Variants in PRMT8 observed in about 807,000 individuals in gnomAD.
PRMT8 encodes the protein protein arginine N-methyltransferase 8.
A neutral mutation model predicts 47.1 loss-of-function variants in PRMT8; 7 were observed. The ratio of observed to expected loss-of-function variants is 0.15; its 90% CI spans 0.08 to 0.28. The LOEUF (loss-of-function observed/expected upper bound fraction) is 0.28. PRMT8 is among the 10% of genes least tolerant of loss of function. The pLI is 1.00. For synonymous variants in PRMT8, 188 were observed against 186.5 expected, an observed-to-expected ratio of 1.01 and a Z score of -0.07; for missense variants, 237 against 505.4, an observed-to-expected ratio of 0.47 and a Z score of 5.09.
intron 1 of PRMT8, among the ~76,000 whole-genome samples, chr12:3,384,946 G>A (rs1468122882): frequency 1.5e-5 from 2 of 133,274 alleles, no homozygotes; most frequent in African/African-American, 5.4e-5. Flanking sequence ...CTTCCCCTGG[G>A]TGTGGCGGGT....
intron 4 of PRMT8, among the ~76,000 whole-genome samples, chr12:3,567,059 G>A (rs950221439): frequency 6.6e-6 from 1 of 152,218 alleles, no homozygotes. Context: ...GTTCTTGAAG[G>A]TGACTCATAA....
Position 3,592,220 on chromosome 12 carries a change from T to G in PRMT8, c.980-11T>G. 6.4e-7 allele frequency: 1 copy of G among 1,552,854 alleles called. No individual in the cohort carries two copies. Among genetic ancestry groups the G allele is most frequent in the Non-Finnish European group, 8.6e-7 (1 of 1,157,200 alleles). Reference sequence around the variant, plus strand: ...CTTTCTTCCCACCTCCCCTGTTCTCTCACCCCTCAGCCCCTGATGCTCCCT... The same window carrying G: ...CTTTCTTCCCACCTCCCCTGTTCTCGCACCCCTCAGCCCCTGATGCTCCCT... On this transcript the variant is annotated splice_polypyrimidine_tract_variant and intron_variant, in intron 8 of 9. Coordinates refer to ENST00000382622, the MANE Select transcript of PRMT8 (RefSeq NM_019854.5).
intron 4 of PRMT8, among the ~76,000 whole-genome samples, chr12:3,567,340 G>A (rs80330571): frequency 6.6e-6 from 1 of 152,208 alleles, no homozygotes; most frequent in South Asian, 2.1e-4. Flanking sequence ...AGAAGATCTG[G>A]CACTTAAACC....
intron 1 of PRMT8, among the ~76,000 whole-genome samples, chr12:3,403,053 A>G (rs1319118776): frequency 1.3e-5 from 2 of 152,220 alleles, no homozygotes; most frequent in Admixed American, 6.5e-5. Flanking sequence ...TAAAAGTGAC[A>G]TGGAATCCAC....
intron 1 of PRMT8, among the ~76,000 whole-genome samples, chr12:3,477,957 C>T (rs1865231363): frequency 6.6e-6 from 1 of 152,160 alleles, no homozygotes. Context: ...TCTGTATAAT[C>T]ACAGTAGCTG....
chr12:3,398,658 G>C (rs1239424383), intron 1 of PRMT8, among the ~76,000 whole-genome samples: 1 of 152,162 alleles, frequency 6.6e-6, no homozygotes, highest in African/African-American at 2.4e-5. Flanking sequence ...AAATCAATCA[G>C]CCATAAGCTT....
rs749765462 is a variant in PRMT8 at position 3,553,724 on chromosome 12, A to G, written c.481+10A>G. On this transcript the variant is annotated intron_variant, in intron 4 of 9. Coordinates refer to ENST00000382622, the MANE Select transcript of PRMT8 (RefSeq NM_019854.5). ...AACCACTTGGACAACAGTAAGACAT[A>G]CCTCTGAGTGTTTTCTCCTGGATGG... 2 of 1,572,194 alleles carry G rather than the reference A, an allele frequency of 1.3e-6. No individual in the cohort carries two copies. The highest frequency in any genetic ancestry group is 1.8e-6 in the Non-Finnish European group (2 of 1,142,284).
chr12:3,516,045 G>T (rs529384133), intron 1 of PRMT8, among the ~76,000 whole-genome samples: 1 of 152,298 alleles, frequency 6.6e-6, no homozygotes, highest in South Asian at 2.1e-4. Context: ...GCTTTCTTGG[G>T]CTCTGGAGTG....
At chr12:3,527,139 G>A (rs1485475439) in intron 1 of PRMT8, among the ~76,000 whole-genome samples, 1 of 152,032 alleles carries the variant, frequency 6.6e-6, no homozygotes, top group East Asian at 1.9e-4. Context: ...AGGGTTTATG[G>A]TATATGTATT....
At chr12:3,579,532 G>A (rs61094072) in intron 7 of PRMT8, among the ~76,000 whole-genome samples, 3,433 of 152,170 alleles carry the variant, frequency 0.023, 152 homozygotes, top group African/African-American at 0.077. Flanking sequence ...CTCGTGACCT[G>A]TGATGATTTT....
intron 1 of PRMT8, among the ~76,000 whole-genome samples, chr12:3,524,077 A>G (rs1194235379): frequency 6.6e-6 from 1 of 152,220 alleles, no homozygotes; most frequent in African/African-American, 2.4e-5. Flanking sequence ...TACTTAGTTC[A>G]ACTGGCCATT....
Position 3,568,868 on chromosome 12 carries a change from T to C in PRMT8, c.624+20T>C, listed in dbSNP as rs750909474. 6.2e-7 allele frequency: 1 copy of C among 1,613,598 alleles called. No individual in the cohort carries two copies. The highest frequency in any genetic ancestry group is 8.5e-7 in the Non-Finnish European group (1 of 1,179,726). On this transcript the variant is annotated intron_variant, in intron 5 of 9. Coordinates refer to ENST00000382622, the MANE Select transcript of PRMT8 (RefSeq NM_019854.5). Reference sequence around the variant, plus strand: ...TGGCTGGTAAGTGTCCTGCATGCTGTCCCCGCGTTGGCCGGCTGGCTGTCC... The same window carrying C: ...TGGCTGGTAAGTGTCCTGCATGCTGCCCCCGCGTTGGCCGGCTGGCTGTCC...
At chr12:3,483,885 A>G (rs757143752) in intron 1 of PRMT8, among the ~76,000 whole-genome samples, 2 of 152,194 alleles carry the variant, frequency 1.3e-5, no homozygotes, top group Non-Finnish European at 2.9e-5. Context: ...ATTGCTGAGA[A>G]ATTCATTGAC....
intron 1 of PRMT8, among the ~76,000 whole-genome samples, chr12:3,494,161 T>C (rs188150921): frequency 1.3e-5 from 2 of 152,242 alleles, no homozygotes; most frequent in East Asian, 3.9e-4. Flanking sequence ...TAGTTCTGAA[T>C]TCCACACCTC....
At chr12:3,387,473 T>A (rs749593211) in intron 1 of PRMT8, among the ~76,000 whole-genome samples, 1 of 152,206 alleles carries the variant, frequency 6.6e-6, no homozygotes, top group South Asian at 2.1e-4. Context: ...GCTTTGTAGA[T>A]GGGAAAACTA....
Position 3,569,807 on chromosome 12 carries a change from A to G in PRMT8, c.712+243A>G, listed in dbSNP as rs1406666839. On this transcript the variant is annotated intron_variant, in intron 6 of 9. Coordinates refer to ENST00000382622, the MANE Select transcript of PRMT8 (RefSeq NM_019854.5). This position sits in a 1 kb window ranked among gnomAD's most constrained non-coding sequence, Gnocchi z 8.2. ...TGAGAGAAATGTCCTGGGGTGAAAG[A>G]ATGAATGCAATGTGAATTAAAAATT... Among the ~76,000 whole-genome samples, 1 of 152,200 alleles carries G rather than the reference A, an allele frequency of 6.6e-6. No individual in the cohort carries two copies. The highest frequency in any genetic ancestry group is 2.4e-5 in the African/African-American group (1 of 41,454).
intron 2 of PRMT8, among the ~76,000 whole-genome samples, chr12:3,543,705 C>T (rs1420798058): frequency 6.6e-6 from 1 of 152,188 alleles, no homozygotes; most frequent in Non-Finnish European, 1.5e-5. Context: ...ATCCCATGCT[C>T]CATTCAGAGA....
chr12:3,565,475 AG>A (rs1451597081), intron 4 of PRMT8, among the ~76,000 whole-genome samples: 1 of 152,120 alleles, frequency 6.6e-6, no homozygotes, highest in Non-Finnish European at 1.5e-5. Flanking sequence ...CCTTTGACAA[AG>A]GGCTCATCTC....
chr12:3,479,314 TG>T (rs1348867163), intron 1 of PRMT8, among the ~76,000 whole-genome samples: 1 of 152,228 alleles, frequency 6.6e-6, no homozygotes, highest in Non-Finnish European at 1.5e-5. Flanking sequence ...TTCCTTCACC[TG>T]GGTGGGCATC....
Sources: allele counts gnomAD v4.1 joint callset (sites outside exome capture counted in the v4.1 genomes callset), GRCh38; gene constraint gnomAD v4.1.1; non-coding constraint Gnocchi (gnomAD v3.1); transcripts MANE v1.5; gene names NCBI Gene and HGNC (gene_info 2026-07-23, HGNC 2026-07-21).